BLTP3B: variants seen among roughly 807,000 people sequenced by gnomAD.
BLTP3B encodes the protein UHRF1 (ICBP90) binding protein 1-like.
chr12:100,113,213 T>C, the BLTP3B span, among the ~76,000 whole-genome samples: 2 of 151,782 alleles, frequency 1.3e-5, no homozygotes, highest in African/African-American at 4.8e-5. Flanking sequence ...CGGTGGCTCA[T>C]GCCTGTAATA....
the BLTP3B span, chr12:100,058,583 C>T: frequency 1.2e-6 from 2 of 1,613,434 alleles, no homozygotes; most frequent in South Asian, 2.2e-5. Flanking sequence ...TTTCTGTAGG[C>T]AAATAATCAG....
chr12:100,055,675 C>A, the BLTP3B span, among the ~76,000 whole-genome samples: 2 of 116,616 alleles, frequency 1.7e-5, no homozygotes, highest in East Asian at 4.3e-4. Flanking sequence ...AAAACTACAT[C>A]TCAAAAAAAA....
At chr12:100,086,606 T>C in the BLTP3B span, among the ~76,000 whole-genome samples, 1 of 152,162 alleles carries the variant, frequency 6.6e-6, no homozygotes. Context: ...CTGGTAGAGT[T>C]CACAGATGAT....
chr12:100,094,753 G>A, the BLTP3B span, among the ~76,000 whole-genome samples: 4,562 of 152,240 alleles, frequency 0.03, 166 homozygotes, highest in African/African-American at 0.09. Flanking sequence ...CCAGCTACGC[G>A]GGGGGCTGAG....
the BLTP3B span, among the ~76,000 whole-genome samples, chr12:100,055,936 T>C: frequency 6.6e-6 from 1 of 152,220 alleles, no homozygotes; most frequent in African/African-American, 2.4e-5. Context: ...AAGATAACAG[T>C]ATACTATTGA....
At chr12:100,130,282 G>A in the BLTP3B span, among the ~76,000 whole-genome samples, 8,427 of 152,096 alleles carry the variant, frequency 0.055, 749 homozygotes, top group African/African-American at 0.19. Flanking sequence ...TTCTTTACAA[G>A]CTTTTCTGAC....
At chr12:100,060,102 A>G in the BLTP3B span, 1 of 1,305,290 alleles carries the variant, frequency 7.7e-7, no homozygotes, top group Non-Finnish European at 1.0e-6. Flanking sequence ...ATCTTCCCTG[A>G]GAACAAAAAA....
chr12:100,083,847 T>C, the BLTP3B span, among the ~76,000 whole-genome samples: 4 of 152,184 alleles, frequency 2.6e-5, no homozygotes, highest in Non-Finnish European at 5.9e-5. Flanking sequence ...TCCACAAGCC[T>C]ATGTTGGTCT....
the BLTP3B span, among the ~76,000 whole-genome samples, chr12:100,064,133 C>G: frequency 6.6e-6 from 1 of 151,946 alleles, no homozygotes; most frequent in African/African-American, 2.4e-5. Flanking sequence ...CATAGAAATG[C>G]GAAATGCTAT....
the BLTP3B span, among the ~76,000 whole-genome samples, chr12:100,096,655 C>CA: frequency 1.6e-3 from 227 of 144,928 alleles, no homozygotes; most frequent in Non-Finnish European, 2.2e-3. Flanking sequence ...CCTGTCTCTA[C>CA]AAAAAAAAAA....
the BLTP3B span, chr12:100,059,406 T>C: frequency 6.2e-7 from 1 of 1,614,078 alleles, no homozygotes; most frequent in Non-Finnish European, 8.5e-7. Flanking sequence ...AAACAAAGCT[T>C]CTAGGTCAGA....
chr12:100,041,644 C>T, the BLTP3B span, among the ~76,000 whole-genome samples: 5 of 151,962 alleles, frequency 3.3e-5, no homozygotes, highest in African/African-American at 1.2e-4. Flanking sequence ...ACCATGTTGG[C>T]CAGGATGGTC....
the BLTP3B span, among the ~76,000 whole-genome samples, chr12:100,099,617 C>G: frequency 1.3e-5 from 2 of 151,324 alleles, no homozygotes; most frequent in African/African-American, 4.9e-5. Flanking sequence ...CATGGTAACA[C>G]TTGCCTGTGG....
chr12:100,141,822 T>C, the BLTP3B span, among the ~76,000 whole-genome samples: 2 of 151,944 alleles, frequency 1.3e-5, no homozygotes, highest in East Asian at 3.9e-4. Flanking sequence ...TGTTTCTGAC[T>C]AAAACCGCGT....
chr12:100,074,489 C>T, the BLTP3B span, among the ~76,000 whole-genome samples: 1 of 151,450 alleles, frequency 6.6e-6, no homozygotes, highest in African/African-American at 2.4e-5. Context: ...ATCCCAGTTA[C>T]TTGGGAGGCT....
At chr12:100,130,949 C>CATACATACATACATATAT in the BLTP3B span, among the ~76,000 whole-genome samples, 23 of 97,568 alleles carry the variant, frequency 2.4e-4, no homozygotes, top group South Asian at 8.9e-4. Flanking sequence ...TACATACATA[C>CATACATACATACATATAT]ATATATATAT....
the BLTP3B span, chr12:100,097,595 C>G: frequency 7.3e-7 from 1 of 1,363,956 alleles, no homozygotes; most frequent in Admixed American, 2.5e-5. Context: ...AATGTATATT[C>G]TCAGTTAATT....
the BLTP3B span, among the ~76,000 whole-genome samples, chr12:100,130,925 C>CATAT: frequency 7.4e-5 from 9 of 121,262 alleles, no homozygotes; most frequent in African/African-American, 3.5e-4. Context: ...CAAAAAAATA[C>CATAT]ATACATACAT....
chr12:100,119,016 T>C, the BLTP3B span, among the ~76,000 whole-genome samples: 2 of 151,978 alleles, frequency 1.3e-5, no homozygotes, highest in African/African-American at 4.8e-5. Context: ...GCAGGAGAAT[T>C]GCTTGAACTC....
Sources: gnomAD v4.1 joint callset for allele counts (sites outside exome capture counted in the v4.1 genomes callset) on GRCh38, gnomAD v4.1.1 for gene constraint, MANE v1.5 for transcripts, NCBI Gene and HGNC (gene_info 2026-07-23, HGNC 2026-07-21) for gene names.